The following SLC38A4 variants were observed in gnomAD, a reference collection of about 807,000 sequenced individuals.
The protein encoded by SLC38A4 is sodium-coupled neutral amino acid transporter 4.
In SLC38A4, 20 loss-of-function variants were observed where a neutral mutation model predicts 63.1. The ratio of observed to expected loss-of-function variants is 0.32; its 90% CI spans 0.22 to 0.46. The LOEUF is 0.46. SLC38A4 is among the 20% of genes least tolerant of loss of function. SLC38A4 has a pLI of 1.00. For missense variants in SLC38A4, 526 were observed against 663.6 expected (o/e 0.79, Z 2.28); for synonymous variants, 230 against 225.5 (o/e 1.02, Z -0.18).
In SLC38A4 at chr12:46,820,256, T is replaced by C. The variant is rs937506795; in HGVS notation, c.-305+5647A>G. On this transcript the variant is annotated intron_variant, in intron 1 of 16. Coordinates refer to ENST00000266579, the MANE Select transcript of SLC38A4 (RefSeq NM_018018.5). ...CTTTCGTGCCTAACGATAGGCATTA[T>C]GCTATACAGCAGATCTCTAGAACTA... Among the ~76,000 whole-genome samples, 6 of 152,130 alleles carry C rather than the reference T, an allele frequency of 3.9e-5. No individual in the cohort carries two copies. In the South Asian group the frequency reaches 1.0e-3, roughly 26 times the overall value.
At chr12:46,767,725 A>G (rs962255554) in intron 16 of SLC38A4, among the ~76,000 whole-genome samples, 2 of 152,158 alleles carry the variant, frequency 1.3e-5, no homozygotes, top group Non-Finnish European at 2.9e-5. Flanking sequence ...CTTATTGGAA[A>G]AACAATTATT....
At chr12:46,827,290 A>G (rs1385076017), upstream of SLC38A4, among the ~76,000 whole-genome samples, 1 of 152,172 alleles carries the variant, frequency 6.6e-6, no homozygotes, top group Non-Finnish European at 1.5e-5. Context: ...TCGTATGGAC[A>G]TTTGCTAACA....
intron 14 of SLC38A4, among the ~76,000 whole-genome samples, chr12:46,769,958 A>G (rs911011946): frequency 2.0e-5 from 3 of 152,174 alleles, no homozygotes; most frequent in Admixed American, 6.6e-5. Flanking sequence ...TAAGCAACAC[A>G]TGACTGTACA....
chr12:46,814,693 T>G (rs1219552060), intron 1 of SLC38A4, among the ~76,000 whole-genome samples: 5 of 151,948 alleles, frequency 3.3e-5, no homozygotes, highest in Non-Finnish European at 7.4e-5. Flanking sequence ...TTTTTAATCA[T>G]TATGAATCAG....
At chr12:46,831,513 G>T (rs1275037450) in intron 1 of SLC38A4, among the ~76,000 whole-genome samples, 1 of 152,214 alleles carries the variant, frequency 6.6e-6, no homozygotes, top group African/African-American at 2.4e-5. Context: ...GCAGCAGGCC[G>T]GGCAATCCGA....
At chr12:46,790,287 T>G (rs890816055) in intron 3 of SLC38A4, among the ~76,000 whole-genome samples, 15 of 152,188 alleles carry the variant, frequency 9.9e-5, no homozygotes, top group Admixed American at 6.5e-5. Context: ...TGTGCTTTTC[T>G]AGAACTCAAG....
chr12:46,796,193 C>G (rs188664291), intron 2 of SLC38A4, among the ~76,000 whole-genome samples: 3 of 152,072 alleles, frequency 2.0e-5, no homozygotes, highest in Admixed American at 1.3e-4. Flanking sequence ...AACTTGTCAG[C>G]TATTTTTCTC....
chr12:46,787,503 T>C (rs1184161754), intron 5 of SLC38A4, among the ~76,000 whole-genome samples: 1 of 152,016 alleles, frequency 6.6e-6, no homozygotes, highest in African/African-American at 2.4e-5. Flanking sequence ...GGCATCTTCA[T>C]AGGATGGAGA....
intron 5 of SLC38A4, 100 bp from the exon 6 acceptor site, chr12:46,785,277 A>G: frequency 1.0e-6 from 1 of 958,216 alleles, no homozygotes; most frequent in Non-Finnish European, 1.6e-6. Context: ...CTTTTCAATC[A>G]TCAGCTTTCC....
intron 10 of SLC38A4, among the ~76,000 whole-genome samples, chr12:46,779,154 A>G (rs568614691): frequency 1.3e-5 from 2 of 152,066 alleles, no homozygotes; most frequent in African/African-American, 4.8e-5. Flanking sequence ...CATTCATGAT[A>G]GTGCAAGAAA....
intron 15 of SLC38A4, 29 bp downstream of exon 15, chr12:46,769,255 G>T: frequency 6.2e-7 from 1 of 1,611,534 alleles, no homozygotes; most frequent in South Asian, 1.1e-5. Context: ...AGTTTGGGTT[G>T]ACCAAATTGA....
At chr12:46,831,475 T>C (rs1402353897) in intron 1 of SLC38A4, among the ~76,000 whole-genome samples, 1 of 152,252 alleles carries the variant, frequency 6.6e-6, no homozygotes. Flanking sequence ...TTCGCATTTC[T>C]GCACCGCCCT....
At chr12:46,785,791 C>T (rs180434) in intron 5 of SLC38A4, among the ~76,000 whole-genome samples, 34,755 of 141,938 alleles carry the variant, frequency 0.24, 5,386 homozygotes, top group Non-Finnish European at 0.35. Context: ...GGTGTTAGGA[C>T]CCCCACATGC....
chr12:46,789,394 T>A (rs1004006727), intron 3 of SLC38A4, among the ~76,000 whole-genome samples: 1 of 152,160 alleles, frequency 6.6e-6, no homozygotes, highest in Non-Finnish European at 1.5e-5. Flanking sequence ...TTCAATGAAC[T>A]GGCAAAAGAG....
At chr12:46,774,924 A>G in intron 14 of SLC38A4, 125 bp downstream of exon 14, 1 of 1,126,454 alleles carries the variant, frequency 8.9e-7, no homozygotes, top group Admixed American at 2.5e-5. Flanking sequence ...ATGCTATAGG[A>G]AAATAATATC....
chr12:46,782,616 T>A (rs1301764173), intron 7 of SLC38A4, among the ~76,000 whole-genome samples: 1 of 151,820 alleles, frequency 6.6e-6, no homozygotes, highest in Non-Finnish European at 1.5e-5. Flanking sequence ...ATATATTTGT[T>A]TTATAATTTT....
chr12:46,802,351 A>G (rs1013275899), intron 2 of SLC38A4, among the ~76,000 whole-genome samples: 32 of 152,018 alleles, frequency 2.1e-4, no homozygotes, highest in African/African-American at 7.5e-4. Context: ...GGATGCAGTA[A>G]GTTCCATTCA....
intron 2 of SLC38A4, 120 bp from the exon 3 acceptor site, chr12:46,793,303 C>G (rs1448637319): frequency 3.1e-6 from 1 of 325,592 alleles, no homozygotes; most frequent in Non-Finnish European, 5.6e-6. Context: ...CTCCTGAAAA[C>G]TTTACATAAG....
chr12:46,791,483 C>T (rs1428347541), intron 3 of SLC38A4, among the ~76,000 whole-genome samples: 3 of 152,102 alleles, frequency 2.0e-5, no homozygotes, highest in African/African-American at 7.2e-5. Flanking sequence ...GAAGGAAGAA[C>T]GGTAGTTTCT....
Sources: gnomAD v4.1 joint callset for allele counts (sites outside exome capture counted in the v4.1 genomes callset) on GRCh38, gnomAD v4.1.1 for gene constraint, MANE v1.5 for transcripts, NCBI Gene and HGNC (gene_info 2026-07-23, HGNC 2026-07-21) for gene names.